ZFPM2: variants seen among roughly 807,000 people sequenced by gnomAD.
The protein encoded by ZFPM2 is zinc finger protein, FOG family member 2.
Under a neutral mutation model 98.6 loss-of-function variants are expected in ZFPM2, and 20 were observed. The ratio of observed to expected loss-of-function variants is 0.20; its 90% CI spans 0.14 to 0.29. ZFPM2 has a LOEUF of 0.29. Among genes scored for constraint, ZFPM2 ranks in the 10% least tolerant of loss-of-function variants. The pLI, the probability that ZFPM2 is intolerant of heterozygous loss-of-function variation, is 1.00. For synonymous variants in ZFPM2, 518 were observed against 502.7 expected (o/e 1.03, Z -0.41); for missense variants, 1,310 against 1,388.6 (o/e 0.94, Z 0.90).
At chr8:105,595,159 T>C (rs1431506624) in intron 4 of ZFPM2, among the ~76,000 whole-genome samples, 1 of 152,146 alleles carries the variant, frequency 6.6e-6, no homozygotes, top group Admixed American at 6.6e-5. Context: ...TTGTACAGTC[T>C]TAGCAGGCAC....
intron 3 of ZFPM2, among the ~76,000 whole-genome samples, chr8:105,538,624 A>T (rs1477517887): frequency 6.6e-6 from 1 of 151,814 alleles, no homozygotes. Context: ...ACTTTATTCC[A>T]TATTATTATG....
chr8:105,481,741 T>C (rs898948287), intron 3 of ZFPM2, among the ~76,000 whole-genome samples: 1 of 152,118 alleles, frequency 6.6e-6, no homozygotes, highest in Admixed American at 6.6e-5. Context: ...GTAGTTGATA[T>C]CCAGGTAAGA....
rs189589359 is a variant in ZFPM2 at position 105,759,982 on chromosome 8, G to A, written c.533-28736G>A. On this transcript the variant is annotated intron_variant, in intron 5 of 7. Transcript: ENST00000407775. ...TTCTACAGCTCTAGAAGGTAAGACAGTAGATTAGGTTAATTCAGAGGTCAG... is the reference window on the plus strand; with the variant it reads ...TTCTACAGCTCTAGAAGGTAAGACAATAGATTAGGTTAATTCAGAGGTCAG... Among the ~76,000 whole-genome samples the A allele has an allele frequency of 2.0e-4, 31 of 152,200 alleles. No homozygotes were observed. The East Asian group carries it at 5.0e-3, about 25-fold the overall frequency.
At chr8:105,447,036 C>T (rs1812387867) in intron 3 of ZFPM2, among the ~76,000 whole-genome samples, 1 of 151,974 alleles carries the variant, frequency 6.6e-6, no homozygotes. Flanking sequence ...CAACTGTAGT[C>T]AGAGAGAAAA....
intron 3 of ZFPM2, among the ~76,000 whole-genome samples, chr8:105,495,189 C>A (rs911889214): frequency 1.2e-4 from 19 of 152,128 alleles, no homozygotes; most frequent in Non-Finnish European, 2.4e-4. Context: ...TTTAGTCATT[C>A]GTTTATGTGT....
chr8:105,730,825 A>G lies in ZFPM2; in HGVS notation c.533-57893A>G, dbSNP rs530324148. On this transcript the variant is annotated intron_variant, in intron 5 of 7. Coordinates refer to ENST00000407775, the MANE Select transcript of ZFPM2 (RefSeq NM_012082.4). ...TGGCTACAGAATGAATGCTGCCTGA[A>G]TGAGTAATGATTAGAAAGCGTTTGG... Among the ~76,000 whole-genome samples, 5 of 147,044 alleles carry G rather than the reference A, an allele frequency of 3.4e-5. No homozygotes were observed. In the South Asian group the frequency reaches 1.1e-3, roughly 32 times the overall value.
At chr8:105,343,355 C>T (rs565979833) in intron 1 of ZFPM2, among the ~76,000 whole-genome samples, 1 of 152,068 alleles carries the variant, frequency 6.6e-6, no homozygotes, top group Non-Finnish European at 1.5e-5. Context: ...AATGTCATAT[C>T]CTCCTTAAAA....
intron 3 of ZFPM2, among the ~76,000 whole-genome samples, chr8:105,559,669 A>G (rs1297477658): frequency 2.0e-5 from 3 of 152,172 alleles, no homozygotes; most frequent in Admixed American, 6.5e-5. Context: ...TTTGGTTTTC[A>G]GGATAAGCAA....
chr8:105,380,602 TA>T (rs1563630672), intron 1 of ZFPM2, among the ~76,000 whole-genome samples: 1 of 19,576 alleles, frequency 5.1e-5, no homozygotes, highest in African/African-American at 2.4e-4. Context: ...ATATATATAT[TA>T]TATATATATA....
chr8:105,668,756 C>T (rs1443337919), intron 5 of ZFPM2, among the ~76,000 whole-genome samples: 1 of 152,078 alleles, frequency 6.6e-6, no homozygotes, highest in African/African-American at 2.4e-5. Flanking sequence ...GTTTCATTTT[C>T]TTATTACAGA....
At chr8:105,614,129 A>T (rs1757718862) in intron 4 of ZFPM2, among the ~76,000 whole-genome samples, 1 of 152,204 alleles carries the variant, frequency 6.6e-6, no homozygotes, top group Non-Finnish European at 1.5e-5. Flanking sequence ...TATTTTAGCC[A>T]ATCACAGATC....
intron 3 of ZFPM2, among the ~76,000 whole-genome samples, chr8:105,497,116 G>A (rs538487882): frequency 5.3e-5 from 8 of 151,852 alleles, no homozygotes; most frequent in Non-Finnish European, 1.2e-4. Context: ...CTCCCTAGTA[G>A]CTGGGACTAC....
chr8:105,761,829 T>C (rs1055637090), intron 5 of ZFPM2, among the ~76,000 whole-genome samples: 1 of 151,884 alleles, frequency 6.6e-6, no homozygotes. Context: ...AAAACAATAG[T>C]CTCAAAAATA....
At chr8:105,697,484 A>G (rs1811047798) in intron 5 of ZFPM2, among the ~76,000 whole-genome samples, 2 of 152,198 alleles carry the variant, frequency 1.3e-5, no homozygotes, top group South Asian at 4.1e-4. Context: ...ATATGCTTTC[A>G]ATTGCTATGA....
chr8:105,692,733 A>T (rs968206015), intron 5 of ZFPM2, among the ~76,000 whole-genome samples: 1 of 152,252 alleles, frequency 6.6e-6, no homozygotes, highest in African/African-American at 2.4e-5. Context: ...ACATAAAAAC[A>T]GGACAAAACC....
intron 3 of ZFPM2, among the ~76,000 whole-genome samples, chr8:105,448,464 T>C (rs1322269901): frequency 7.2e-5 from 11 of 152,054 alleles, no homozygotes; most frequent in Admixed American, 5.9e-4. Flanking sequence ...TTGTAATAAT[T>C]GTTAAAAGCA....
At chr8:105,793,869 C>T (rs7834036) in intron 6 of ZFPM2, among the ~76,000 whole-genome samples, 11,552 of 148,394 alleles carry the variant, frequency 0.078, 1,608 homozygotes, top group African/African-American at 0.28. Context: ...TTGATCACAT[C>T]GGCTCCTGAG....
chr8:105,731,885 T>C (rs1811948312), intron 5 of ZFPM2, among the ~76,000 whole-genome samples: 1 of 151,818 alleles, frequency 6.6e-6, no homozygotes, highest in Non-Finnish European at 1.5e-5. Context: ...AGATGTCTGT[T>C]TGTTGCTTGT....
At chr8:105,573,590 A>G (rs755513888) in intron 4 of ZFPM2, among the ~76,000 whole-genome samples, 14 of 152,330 alleles carry the variant, frequency 9.2e-5, no homozygotes, top group Non-Finnish European at 1.5e-4. Context: ...ATTCATTAAA[A>G]TATTTATGGT....
Sources: gnomAD v4.1 joint callset for allele counts (sites outside exome capture counted in the v4.1 genomes callset) on GRCh38, gnomAD v4.1.1 for gene constraint, MANE v1.5 for transcripts, NCBI Gene and HGNC (gene_info 2026-07-23, HGNC 2026-07-21) for gene names.